Variants in CAMK2D observed in about 807,000 individuals in gnomAD.
CAMK2D encodes calcium/calmodulin dependent protein kinase II delta.
A neutral mutation model predicts 84.0 loss-of-function variants in CAMK2D; 37 were observed. The observed-to-expected ratio is 0.44, with a 90% CI of 0.34 to 0.58. CAMK2D has a LOEUF of 0.58. Among genes scored for constraint, CAMK2D ranks in the 20% least tolerant of loss-of-function variants. The pLI, the probability that CAMK2D is intolerant of heterozygous loss-of-function variation, is 0.02. For synonymous variants in CAMK2D, 202 were observed against 212.5 expected (o/e 0.95, Z 0.43); for missense variants, 448 against 652.5 (o/e 0.69, Z 3.41).
chr4:113,654,686 C>A (rs1238738140), intron 3 of CAMK2D, among the ~76,000 whole-genome samples: 1 of 151,934 alleles, frequency 6.6e-6, no homozygotes, highest in Non-Finnish European at 1.5e-5. Context: ...AAGCAATCAA[C>A]AATTTAGGTC....
intron 2 of CAMK2D, among the ~76,000 whole-genome samples, chr4:113,711,678 C>T (rs776489185): frequency 8.5e-5 from 13 of 152,068 alleles, no homozygotes; most frequent in South Asian, 4.1e-4. Context: ...TTACTTATAA[C>T]GGCTATCACA....
At position 113,628,404 on chromosome 4, in the gene CAMK2D, T is replaced by A. The variant is rs555453713; in HGVS notation, c.221-19198A>T. Among the ~76,000 whole-genome samples the A allele has an allele frequency of 7.4e-4, 112 of 152,288 alleles. 1 individual carries two copies. The highest frequency in any genetic ancestry group is 2.6e-3 in the African/African-American group (110 of 41,584). On this transcript the variant is annotated intron_variant, in intron 3 of 20. Coordinates refer to ENST00000511664, the MANE Select transcript of CAMK2D (RefSeq NM_001321571.2). ...TAAAAAGCAATCTTTAATATTAATA[T>A]AAGCTATAATTAACATTAATGTGAA...
intron 2 of CAMK2D, among the ~76,000 whole-genome samples, chr4:113,710,346 C>A (rs2099488279): frequency 6.6e-6 from 1 of 152,050 alleles, no homozygotes; most frequent in Non-Finnish European, 1.5e-5. Flanking sequence ...TTTATTATGA[C>A]TGGAAGAACA....
chr4:113,634,482 T>C (rs2099102315), intron 3 of CAMK2D, among the ~76,000 whole-genome samples: 2 of 152,070 alleles, frequency 1.3e-5, no homozygotes, highest in African/African-American at 4.8e-5. Context: ...AATCCAGAAT[T>C]TAATGAGGAG....
In CAMK2D at chr4:113,523,461, A is replaced by G. The variant is rs565727243; in HGVS notation, c.602-5804T>C. On this transcript the variant is annotated intron_variant, in intron 8 of 20. Coordinates refer to ENST00000511664, the MANE Select transcript of CAMK2D (RefSeq NM_001321571.2). ...CACATGACATTAAATTGTACATAAA[A>G]AAGGTCCCGCACAGTGACTTTAAAT... Among the ~76,000 whole-genome samples, 11 of 152,204 alleles carry G rather than the reference A, an allele frequency of 7.2e-5. No homozygotes were observed. In the South Asian group the frequency reaches 2.3e-3, roughly 32 times the overall value.
intron 16 of CAMK2D, among the ~76,000 whole-genome samples, chr4:113,490,485 C>G (rs1224784526): frequency 9.6e-6 from 1 of 104,008 alleles, no homozygotes; most frequent in Non-Finnish European, 1.9e-5. Context: ...GGGCTCTGTT[C>G]TGTTCCATTG....
chr4:113,562,919 A>C (rs903924836), intron 4 of CAMK2D, among the ~76,000 whole-genome samples: 7 of 152,242 alleles, frequency 4.6e-5, no homozygotes, highest in African/African-American at 1.4e-4. Flanking sequence ...CTTTGTCACT[A>C]TTCAACAATA....
rs372002779 is a variant in CAMK2D at position 113,552,102 on chromosome 4, A to C, written c.276-6T>G. ...ACAGTTCACCTCCAGTAACTCTGGGAAGATAAAAAACATAATCACTTTTAA... is the reference window on the plus strand; with the variant it reads ...ACAGTTCACCTCCAGTAACTCTGGGCAGATAAAAAACATAATCACTTTTAA... On this transcript the variant is annotated splice_region_variant and splice_polypyrimidine_tract_variant and intron_variant, in intron 4 of 20. Coordinates refer to ENST00000511664, the MANE Select transcript of CAMK2D (RefSeq NM_001321571.2). The C allele has an allele frequency of 6.4e-5, 98 of 1,532,742 alleles. No individual in the cohort carries two copies. Among genetic ancestry groups the C allele is most frequent in the Non-Finnish European group, 7.8e-5 (87 of 1,113,798 alleles). 94.9% of individuals were successfully genotyped at this position (1,532,742 alleles called of 1,614,324 possible).
chr4:113,688,910 CAAAAAA>C (rs34196728), intron 2 of CAMK2D, among the ~76,000 whole-genome samples: 32 of 49,718 alleles, frequency 6.4e-4, no homozygotes, highest in African/African-American at 1.9e-3. Context: ...AAAGAAGATG[CAAAAAA>C]AAAAAAAAAA....
Position 113,547,699 on chromosome 4 carries a change from A to T in CAMK2D, c.359T>A (p.Ile120Asn), listed in dbSNP as rs1383979746. ...ATGGCAGTGTAGCACAGCCTCCAGG[A>T]TCTGCTGAATGCAATGACTGCATGC... ...EADASHCIQQ[I>N]LEAVLHCHQM... Residue 120 changes from isoleucine (I) to asparagine (N), a missense_variant, in exon 6 of 21, where the codon ATC (isoleucine) becomes AAC (asparagine). This residue lies in a region of CAMK2D where 60 missense variants were observed against 70.0 expected (regional missense o/e 0.86). Coordinates refer to ENST00000511664, the MANE Select transcript of CAMK2D (RefSeq NM_001321571.2). 9 of 1,559,936 alleles carry T rather than the reference A, an allele frequency of 5.8e-6. No homozygotes were observed. Among genetic ancestry groups the T allele is most frequent in the Non-Finnish European group, 7.8e-6 (9 of 1,159,246 alleles).
At chr4:113,584,708 A>G (rs575261845) in intron 4 of CAMK2D, among the ~76,000 whole-genome samples, 6 of 152,250 alleles carry the variant, frequency 3.9e-5, no homozygotes, top group African/African-American at 1.4e-4. Flanking sequence ...CACCCCTTAG[A>G]TAAGGGAGAA....
intron 16 of CAMK2D, among the ~76,000 whole-genome samples, chr4:113,484,577 A>T (rs555300130): frequency 6.6e-6 from 1 of 152,194 alleles, no homozygotes; most frequent in South Asian, 2.1e-4. Flanking sequence ...ATGTTTTACA[A>T]ATACAATGGT....
At chr4:113,473,803 G>C (rs2097573655) in intron 16 of CAMK2D, among the ~76,000 whole-genome samples, 2 of 152,058 alleles carry the variant, frequency 1.3e-5, no homozygotes, top group African/African-American at 4.8e-5. Context: ...AGATCAGAAA[G>C]ATCTAGCATT....
At chr4:113,504,891 C>T (rs1241152245) in intron 14 of CAMK2D, 85 bp downstream of exon 14, 2 of 508,870 alleles carry the variant, frequency 3.9e-6, no homozygotes, top group Non-Finnish European at 3.2e-6. Flanking sequence ...ATATATGTAT[C>T]TATATAGTGA....
intron 9 of CAMK2D, 100 bp downstream of exon 9, chr4:113,517,463 G>T: frequency 1.9e-6 from 1 of 540,436 alleles, no homozygotes. Context: ...TGAGAAAGTG[G>T]TAAAAATTAT....
Position 113,732,189 on chromosome 4 carries a change from T to C in CAMK2D, c.160+27131A>G, listed in dbSNP as rs112269842. 4.7e-3 allele frequency among the ~76,000 whole-genome samples: 710 copies of C among 152,120 alleles called. 3 individuals are homozygous for C. The highest frequency in any genetic ancestry group is 0.017 in the Middle Eastern group (5 of 294). ...CCCAGGCTGGAATTCAGTGGTGCGA[T>C]CATAGCTCAATGTTGCCTCAAACTT... On this transcript the variant is annotated intron_variant, in intron 2 of 20. Coordinates refer to ENST00000511664, the MANE Select transcript of CAMK2D (RefSeq NM_001321571.2).
chr4:113,497,123 T>C (rs949101757), intron 16 of CAMK2D, among the ~76,000 whole-genome samples: 6 of 152,146 alleles, frequency 3.9e-5, no homozygotes, highest in Non-Finnish European at 8.8e-5. Flanking sequence ...GAGTTTTTTT[T>C]TTTTTAGGTA....
chr4:113,494,390 T>G (rs2154142720), intron 16 of CAMK2D, among the ~76,000 whole-genome samples: 1 of 152,296 alleles, frequency 6.6e-6, no homozygotes, highest in South Asian at 2.1e-4. Context: ...TCTGTTGGAG[T>G]ACCCTGCCGT....
chr4:113,541,319 A>G (rs1017845040), intron 6 of CAMK2D, among the ~76,000 whole-genome samples: 3 of 152,230 alleles, frequency 2.0e-5, no homozygotes, highest in African/African-American at 7.2e-5. Flanking sequence ...AATTGTATAA[A>G]AAGTTATTTT....
Sources: gnomAD v4.1 joint callset for allele counts (sites outside exome capture counted in the v4.1 genomes callset) on GRCh38, gnomAD v4.1.1 for gene constraint, gnomAD v4.1.1 regional missense constraint, MANE v1.5 for transcripts, NCBI Gene and HGNC (gene_info 2026-07-23, HGNC 2026-07-21) for gene names.